MPP7: variants seen among roughly 807,000 people sequenced by gnomAD.
The protein encoded by MPP7 is MAGUK p55 subfamily member 7.
A neutral mutation model predicts 76.5 loss-of-function variants in MPP7; 60 were observed. That is an observed-to-expected ratio of 0.78 (90% confidence interval 0.64 to 0.97). MPP7 has a LOEUF of 0.97. Among genes scored for constraint, MPP7 ranks in the 50% least tolerant of loss-of-function variants. The pLI, the probability that MPP7 is intolerant of heterozygous loss-of-function variation, is 0.00. For synonymous variants in MPP7, 237 were observed against 244.5 expected (o/e 0.97, Z 0.29); for missense variants, 641 against 694.0 (o/e 0.92, Z 0.86).
chr10:28,212,195 G>A (rs1026850753), intron 2 of MPP7, among the ~76,000 whole-genome samples: 4 of 152,268 alleles, frequency 2.6e-5, no homozygotes, highest in East Asian at 1.9e-4. Flanking sequence ...GCCGAGGGCC[G>A]AGGCAGACAA....
At chr10:28,251,338 T>C (rs1277010753) in intron 1 of MPP7, among the ~76,000 whole-genome samples, 1 of 152,028 alleles carries the variant, frequency 6.6e-6, no homozygotes, top group Non-Finnish European at 1.5e-5. Flanking sequence ...GGTACATGCC[T>C]GTAGTCCCAG....
intron 2 of MPP7, among the ~76,000 whole-genome samples, chr10:28,313,714 G>A (rs1762188): frequency 0.25 from 38,635 of 151,874 alleles, 5,201 homozygotes; most frequent in Middle Eastern, 0.29. Flanking sequence ...TTGAGACAGG[G>A]TCTGCTCGGT....
chr10:28,124,986 C>G, intron 7 of MPP7, 24 bp downstream of exon 7: 2 of 1,599,744 alleles, frequency 1.3e-6, no homozygotes, highest in Non-Finnish European at 1.7e-6. Context: ...TTAGTCTGTA[C>G]TTGGTTAACA....
At chr10:28,180,663 C>T (rs775979885) in intron 3 of MPP7, among the ~76,000 whole-genome samples, 23 of 152,004 alleles carry the variant, frequency 1.5e-4, no homozygotes, top group Non-Finnish European at 2.6e-4. Context: ...CATATAACAA[C>T]GAAAGTTTAT....
intron 1 of MPP7, among the ~76,000 whole-genome samples, chr10:28,297,664 A>G (rs1488889938): frequency 6.6e-6 from 1 of 152,194 alleles, no homozygotes; most frequent in East Asian, 1.9e-4. Flanking sequence ...GTGCCATTGC[A>G]CTCCAGCCTG....
At chr10:28,325,489 C>CTTTTTCTTT (rs1362062542) in intron 2 of MPP7, among the ~76,000 whole-genome samples, 1 of 151,432 alleles carries the variant, frequency 6.6e-6, no homozygotes, top group Non-Finnish European at 1.5e-5. Flanking sequence ...CATTTCATTT[C>CTTTTTCTTT]TTTTTCTTTT....
chr10:28,245,740 G>A (rs1839412842), intron 1 of MPP7, among the ~76,000 whole-genome samples: 1 of 151,100 alleles, frequency 6.6e-6, no homozygotes, highest in Admixed American at 6.6e-5. Context: ...ACAGCAACCT[G>A]TCAGGAAAGG....
intron 3 of MPP7, among the ~76,000 whole-genome samples, chr10:28,194,319 T>G (rs1265028164): frequency 1.3e-5 from 2 of 152,190 alleles, no homozygotes; most frequent in Admixed American, 6.5e-5. Flanking sequence ...TGGCCAGCAG[T>G]TTCTTAAAAA....
chr10:28,156,397 C>T (rs955873071), intron 3 of MPP7, among the ~76,000 whole-genome samples: 2 of 152,144 alleles, frequency 1.3e-5, no homozygotes, highest in African/African-American at 4.8e-5. Flanking sequence ...TTGACTACAC[C>T]ATGTCGTGTA....
intron 3 of MPP7, among the ~76,000 whole-genome samples, chr10:28,187,854 C>T (rs1321548677): frequency 6.6e-6 from 1 of 152,078 alleles, no homozygotes; most frequent in African/African-American, 2.4e-5. Flanking sequence ...TTTAAAATAC[C>T]TTGACTGGAT....
At chr10:28,237,735 AT>A (rs1241652532) in intron 2 of MPP7, among the ~76,000 whole-genome samples, 3 of 152,190 alleles carry the variant, frequency 2.0e-5, no homozygotes, top group African/African-American at 4.8e-5. Context: ...AACAGAGAAC[AT>A]TCCTTTTCGT....
chr10:28,228,887 T>C (rs1051278892), intron 2 of MPP7, among the ~76,000 whole-genome samples: 1 of 152,040 alleles, frequency 6.6e-6, no homozygotes, highest in South Asian at 2.1e-4. Flanking sequence ...CAAAAAAGAA[T>C]TAACCAAACA....
intron 3 of MPP7, among the ~76,000 whole-genome samples, chr10:28,180,628 A>G (rs1222771830): frequency 9.9e-5 from 15 of 152,218 alleles, no homozygotes; most frequent in African/African-American, 3.1e-4. Context: ...TATTGTGGTA[A>G]TAAGCAATGC....
At chr10:28,180,164 T>C (rs535154423) in intron 3 of MPP7, among the ~76,000 whole-genome samples, 4 of 152,300 alleles carry the variant, frequency 2.6e-5, no homozygotes, top group African/African-American at 9.6e-5. Context: ...GCAAAAATAA[T>C]TGTGAAATGT....
chr10:28,136,043 A>G (rs939424588), intron 5 of MPP7, among the ~76,000 whole-genome samples: 1 of 152,020 alleles, frequency 6.6e-6, no homozygotes, highest in Non-Finnish European at 1.5e-5. Context: ...AGATTCTCAT[A>G]GGAGCGTGAA....
intron 3 of MPP7, among the ~76,000 whole-genome samples, chr10:28,184,919 T>C (rs138387952): frequency 6.8e-6 from 1 of 147,030 alleles, no homozygotes; most frequent in East Asian, 1.9e-4. Flanking sequence ...TTATTATAAG[T>C]TATTATATTG....
At chr10:28,331,280 C>T (rs1050655125) in intron 1 of MPP7, among the ~76,000 whole-genome samples, 2 of 152,110 alleles carry the variant, frequency 1.3e-5, no homozygotes, top group African/African-American at 4.8e-5. Context: ...TTCTTCTCTT[C>T]CTTTCTACAC....
rs971915353 is a variant in MPP7, at chr10:28,052,862, T to C, written c.*1203A>G. 8.5e-5 allele frequency: 13 copies of C among 152,192 alleles called. No individual in the cohort carries two copies. Among genetic ancestry groups the C allele is most frequent in the African/African-American group, 2.4e-5 (1 of 41,442 alleles). The allele number at this position is 152,192 out of a possible 1,614,324, so 9.4% of individuals were successfully genotyped here. On this transcript the variant is annotated 3_prime_UTR_variant, in exon 17 of 17. Coordinates refer to ENST00000683449, the MANE Select transcript of MPP7 (RefSeq NM_001318170.2). ...TTCACTGCATGCAAGAACGGCAGGATATGCTCTCTTATAGAACGGATAGAC... is the reference window on the plus strand; with the variant it reads ...TTCACTGCATGCAAGAACGGCAGGACATGCTCTCTTATAGAACGGATAGAC...
intron 3 of MPP7, among the ~76,000 whole-genome samples, chr10:28,185,680 A>G (rs1837212600): frequency 6.6e-6 from 1 of 152,160 alleles, no homozygotes. Flanking sequence ...CACTTCAGTG[A>G]ATATTATCCA....
Sources: allele counts gnomAD v4.1 joint callset (sites outside exome capture counted in the v4.1 genomes callset), GRCh38; gene constraint gnomAD v4.1.1; transcripts MANE v1.5; gene names NCBI Gene and HGNC (gene_info 2026-07-23, HGNC 2026-07-21).